The following GPC5 variants were observed in gnomAD, a reference collection of about 807,000 sequenced individuals.
The protein encoded by GPC5 is glypican 5.
GPC5 carries 47 observed loss-of-function variants against 53.9 expected under a neutral mutation model. That is an observed-to-expected ratio of 0.87 (90% CI 0.69 to 1.11). The LOEUF (loss-of-function observed/expected upper bound fraction) is 1.11. Ranked by LOEUF, GPC5 falls within the 50% of genes most tolerant of loss-of-function variation. The probability of loss-of-function intolerance (pLI) is 0.00; values close to 1 mark genes in which losing one functional copy is unlikely to be tolerated. For missense variants in GPC5, 748 were observed against 713.1 expected (o/e 1.05, Z -0.56); for synonymous variants, 286 against 263.3 (o/e 1.09, Z -0.84).
chr13:91,505,520 ATACTGGTCC>A (rs1884893584), intron 2 of GPC5, among the ~76,000 whole-genome samples: 2 of 152,180 alleles, frequency 1.3e-5, no homozygotes, highest in South Asian at 4.1e-4. Flanking sequence ...AACTTCCTGA[ATACTGGTCC>A]TAGGCTATGT....
At chr13:92,248,915 T>C (rs1594035846) in intron 7 of GPC5, among the ~76,000 whole-genome samples, 1 of 152,154 alleles carries the variant, frequency 6.6e-6, no homozygotes, top group Admixed American at 6.6e-5. Flanking sequence ...TTTCCCTAAG[T>C]GGTCTCCTAG....
chr13:91,929,903 G>T (rs541701011), intron 6 of GPC5, among the ~76,000 whole-genome samples: 1 of 152,014 alleles, frequency 6.6e-6, no homozygotes, highest in South Asian at 2.1e-4. Flanking sequence ...TTTTCCAAAT[G>T]CACATTGATA....
chr13:91,654,459 TGTA>T (rs1169640421), intron 2 of GPC5, among the ~76,000 whole-genome samples: 20 of 152,256 alleles, frequency 1.3e-4, no homozygotes, highest in Admixed American at 4.6e-4. Flanking sequence ...TGTTTACTAT[TGTA>T]GAAAGATATT....
At chr13:92,612,768 G>A (rs1307770844) in intron 7 of GPC5, among the ~76,000 whole-genome samples, 1 of 151,998 alleles carries the variant, frequency 6.6e-6, no homozygotes, top group Non-Finnish European at 1.5e-5. Flanking sequence ...CAGACATTAT[G>A]ACAGGAACAG....
At chr13:92,017,523 C>T (rs1339650401) in intron 6 of GPC5, among the ~76,000 whole-genome samples, 3 of 152,142 alleles carry the variant, frequency 2.0e-5, no homozygotes, top group Non-Finnish European at 4.4e-5. Context: ...TTGTTTTATA[C>T]ATAAAGTCCC....
chr13:92,333,192 T>C (rs796739239), intron 7 of GPC5, among the ~76,000 whole-genome samples: 3 of 152,298 alleles, frequency 2.0e-5, no homozygotes, highest in African/African-American at 4.8e-5. Context: ...CTCACACTTT[T>C]GTGAGATTTA....
chr13:92,527,202 A>AAAG (rs1881358332), intron 7 of GPC5, among the ~76,000 whole-genome samples: 3 of 28,174 alleles, frequency 1.1e-4, no homozygotes, highest in African/African-American at 7.9e-4. Context: ...AGAAAGAAAG[A>AAAG]AAGAAAGAAA....
chr13:91,648,816 C>A (rs116159954), intron 2 of GPC5, among the ~76,000 whole-genome samples: 4,700 of 152,168 alleles, frequency 0.031, 242 homozygotes, highest in African/African-American at 0.11. Context: ...GGAGACAGAG[C>A]AAAAGGAAAA....
At chr13:92,416,926 G>C (rs958546895) in intron 7 of GPC5, among the ~76,000 whole-genome samples, 1 of 152,026 alleles carries the variant, frequency 6.6e-6, no homozygotes, top group African/African-American at 2.4e-5. Context: ...TGTAAATACA[G>C]ATGTAAACTT....
chr13:92,851,388 C>G (rs1352933302), intron 7 of GPC5, among the ~76,000 whole-genome samples: 1 of 151,956 alleles, frequency 6.6e-6, no homozygotes, highest in Admixed American at 6.6e-5. Flanking sequence ...TGCTCTCAGG[C>G]AAGACGCTGG....
intron 2 of GPC5, among the ~76,000 whole-genome samples, chr13:91,563,583 A>T (rs1306900805): frequency 6.6e-6 from 1 of 152,202 alleles, no homozygotes; most frequent in African/African-American, 2.4e-5. Flanking sequence ...AAATAGAACG[A>T]CTTAATTGCT....
intron 6 of GPC5, among the ~76,000 whole-genome samples, chr13:92,041,262 G>A (rs183004851): frequency 4.1e-4 from 62 of 152,276 alleles, no homozygotes; most frequent in Non-Finnish European, 6.8e-4. Flanking sequence ...TGTTAAGTGA[G>A]GGCTTACTGT....
In GPC5 at chr13:92,703,091, A is replaced by G. The variant is rs193105860; in HGVS notation, c.1562-163191A>G. 2.4e-4 allele frequency among the ~76,000 whole-genome samples: 34 copies of G among 141,518 alleles called. No individual in the cohort carries two copies. The East Asian group carries it at 6.5e-3, about 27-fold the overall frequency. The allele number at this position is 141,518 out of a possible 152,430, so 92.8% of individuals were successfully genotyped here. A position where few individuals can be genotyped will look rare whatever the true frequency, so the allele number is the denominator to read the frequency against. Reference sequence around the variant, plus strand: ...ATTTATTTATTTATTTATTTATTTTAGTAGCACTTACCACCTTCGAATGCA... The same window carrying G: ...ATTTATTTATTTATTTATTTATTTTGGTAGCACTTACCACCTTCGAATGCA... On this transcript the variant is annotated intron_variant, in intron 7 of 7. Coordinates refer to ENST00000377067, the MANE Select transcript of GPC5 (RefSeq NM_004466.6).
At chr13:91,474,259 G>C (rs1882799765) in intron 2 of GPC5, among the ~76,000 whole-genome samples, 1 of 152,078 alleles carries the variant, frequency 6.6e-6, no homozygotes, top group African/African-American at 2.4e-5. Context: ...TATACATATT[G>C]TTTATAGAAG....
At chr13:91,623,369 C>A (rs541329028) in intron 2 of GPC5, among the ~76,000 whole-genome samples, 3 of 152,194 alleles carry the variant, frequency 2.0e-5, no homozygotes, top group East Asian at 3.9e-4. Context: ...TCCCTCACAG[C>A]ATGAGACCTT....
intron 7 of GPC5, among the ~76,000 whole-genome samples, chr13:92,603,039 T>G (rs1034066802): frequency 6.6e-6 from 1 of 152,218 alleles, no homozygotes; most frequent in South Asian, 2.1e-4. Flanking sequence ...TCTGAGCCTA[T>G]GTACATAGTG....
chr13:92,204,141 T>G (rs941111877), intron 7 of GPC5, among the ~76,000 whole-genome samples: 2 of 152,160 alleles, frequency 1.3e-5, no homozygotes, highest in Non-Finnish European at 2.9e-5. Context: ...AAACTTCTAT[T>G]AAATACTAAA....
At chr13:92,522,512 G>A (rs1460938755) in intron 7 of GPC5, among the ~76,000 whole-genome samples, 3 of 151,936 alleles carry the variant, frequency 2.0e-5, no homozygotes, top group Admixed American at 2.0e-4. Context: ...GCAAACTATT[G>A]CAAGAACAAA....
At chr13:91,842,520 G>A (rs1467504653) in intron 5 of GPC5, among the ~76,000 whole-genome samples, 1 of 149,468 alleles carries the variant, frequency 6.7e-6, no homozygotes. Context: ...GGCTAACACG[G>A]TGAAACCCCG....
Sources: gnomAD v4.1 joint callset for allele counts (sites outside exome capture counted in the v4.1 genomes callset) on GRCh38, gnomAD v4.1.1 for gene constraint, MANE v1.5 for transcripts, NCBI Gene and HGNC (gene_info 2026-07-23, HGNC 2026-07-21) for gene names.